Variants in LINGO2 observed in about 807,000 individuals in gnomAD.
LINGO2 encodes the protein leucine rich repeat and Ig domain containing 2.
A neutral mutation model predicts 30.6 loss-of-function variants in LINGO2; 14 were observed. The ratio of observed to expected loss-of-function variants is 0.46; its 90% CI spans 0.30 to 0.72. The LOEUF (loss-of-function observed/expected upper bound fraction) is 0.72. LINGO2 is among the 30% of genes least tolerant of loss of function. The pLI, the probability that LINGO2 is intolerant of heterozygous loss-of-function variation, is 0.07. For missense variants in LINGO2, 729 were observed against 751.7 expected, an observed-to-expected ratio of 0.97 and a Z score of 0.35; for synonymous variants, 317 against 288.5, an observed-to-expected ratio of 1.10 and a Z score of -1.00.
At chr9:28,012,125 C>G (rs1405303459) in intron 5 of LINGO2, among the ~76,000 whole-genome samples, 1 of 152,136 alleles carries the variant, frequency 6.6e-6, no homozygotes, top group Non-Finnish European at 1.5e-5. Flanking sequence ...GGAAACAAGT[C>G]TCCTCTTACC....
chr9:28,380,453 T>A (rs1821307840), intron 2 of LINGO2, among the ~76,000 whole-genome samples: 1 of 150,604 alleles, frequency 6.6e-6, no homozygotes, highest in Admixed American at 6.7e-5. Context: ...AAAAAGTCCA[T>A]GAAAAATTGG....
At chr9:28,310,551 T>G (rs1185115073) in intron 3 of LINGO2, among the ~76,000 whole-genome samples, 1 of 152,146 alleles carries the variant, frequency 6.6e-6, no homozygotes, top group Non-Finnish European at 1.5e-5. Flanking sequence ...ATCATAGCAG[T>G]TCTGCGCCTG....
At chr9:28,397,202 T>A (rs1201072049) in intron 2 of LINGO2, among the ~76,000 whole-genome samples, 1 of 151,992 alleles carries the variant, frequency 6.6e-6, no homozygotes, top group East Asian at 1.9e-4. Flanking sequence ...TACTAACTCC[T>A]ATGAAAGAGG....
At chr9:28,671,682 A>G (rs919479730), upstream of LINGO2, among the ~76,000 whole-genome samples, 1 of 152,040 alleles carries the variant, frequency 6.6e-6, no homozygotes, top group Non-Finnish European at 1.5e-5. Context: ...CGTATCACGT[A>G]CTATGCCTAT....
chr9:28,411,928 G>T (rs1399029005), intron 2 of LINGO2, among the ~76,000 whole-genome samples: 1 of 152,010 alleles, frequency 6.6e-6, no homozygotes, highest in Non-Finnish European at 1.5e-5. Context: ...GCCAAAACTT[G>T]TTATTTTTTT....
the LINGO2 span, among the ~76,000 whole-genome samples, chr9:28,714,437 G>A: frequency 6.6e-6 from 1 of 151,918 alleles, no homozygotes; most frequent in African/African-American, 2.4e-5. Context: ...TCTGTAATAT[G>A]CAGTGTTTTC....
At chr9:29,027,701 C>G in the LINGO2 span, among the ~76,000 whole-genome samples, 22 of 152,038 alleles carry the variant, frequency 1.4e-4, no homozygotes, top group African/African-American at 5.3e-4. Flanking sequence ...TTGATTGTTC[C>G]AAGGTTTCCG....
At chr9:28,725,780 T>C in the LINGO2 span, among the ~76,000 whole-genome samples, 1 of 149,356 alleles carries the variant, frequency 6.7e-6, no homozygotes, top group African/African-American at 2.4e-5. Flanking sequence ...CACATTAAAA[T>C]AAAGGAAACT....
At chr9:28,353,345 C>T (rs1175972139) in intron 3 of LINGO2, among the ~76,000 whole-genome samples, 2 of 150,170 alleles carry the variant, frequency 1.3e-5, no homozygotes, top group South Asian at 2.1e-4. Context: ...GGGCGAAGGA[C>T]ATGAACAGAC....
At chr9:29,086,559 G>A in the LINGO2 span, among the ~76,000 whole-genome samples, 16 of 152,102 alleles carry the variant, frequency 1.1e-4, no homozygotes, top group East Asian at 2.9e-3. Flanking sequence ...TTATGAAAAT[G>A]TTTCTACGTA....
At chr9:29,150,283 C>T in the LINGO2 span, among the ~76,000 whole-genome samples, 1 of 152,148 alleles carries the variant, frequency 6.6e-6, no homozygotes, top group South Asian at 2.1e-4. Context: ...GAATATATTC[C>T]ATTTATACCA....
chr9:28,788,829 G>C, the LINGO2 span, among the ~76,000 whole-genome samples: 2 of 152,128 alleles, frequency 1.3e-5, no homozygotes, highest in Non-Finnish European at 2.9e-5. Context: ...TGGGATTGTG[G>C]GGAGTATGGG....
chr9:28,618,571 C>T (rs932916490), intron 1 of LINGO2, among the ~76,000 whole-genome samples: 2 of 152,018 alleles, frequency 1.3e-5, no homozygotes, highest in African/African-American at 2.4e-5. Flanking sequence ...CATTTAAATC[C>T]CTCCACCAGG....
intron 4 of LINGO2, among the ~76,000 whole-genome samples, chr9:28,170,350 C>T (rs1232246835): frequency 6.6e-6 from 1 of 152,144 alleles, no homozygotes; most frequent in African/African-American, 2.4e-5. Flanking sequence ...ATAGAAACAG[C>T]TTCCACCGGC....
chr9:28,280,345 T>C (rs1214624065), intron 4 of LINGO2, among the ~76,000 whole-genome samples: 1 of 151,990 alleles, frequency 6.6e-6, no homozygotes, highest in African/African-American at 2.4e-5. Flanking sequence ...AATTTATTGC[T>C]TTAAAAATTA....
intron 2 of LINGO2, among the ~76,000 whole-genome samples, chr9:28,438,844 ATATAT>A (rs1424810947): frequency 7.5e-5 from 11 of 146,508 alleles, no homozygotes; most frequent in Non-Finnish European, 1.5e-4. Flanking sequence ...ATATATATAT[ATATAT>A]AATGAGATAT....
chr9:28,572,400 T>C (rs1391779499), intron 1 of LINGO2, among the ~76,000 whole-genome samples: 2 of 152,114 alleles, frequency 1.3e-5, no homozygotes, highest in African/African-American at 4.8e-5. Context: ...TGTACAAAGT[T>C]ACTCTTCCAT....
At chr9:28,922,100 C>T in the LINGO2 span, among the ~76,000 whole-genome samples, 4 of 152,154 alleles carry the variant, frequency 2.6e-5, no homozygotes, top group African/African-American at 9.7e-5. Context: ...TATACACTTC[C>T]TCCACATTTC....
At chr9:28,832,448 C>T in the LINGO2 span, among the ~76,000 whole-genome samples, 2 of 152,204 alleles carry the variant, frequency 1.3e-5, no homozygotes, top group Non-Finnish European at 1.5e-5. Flanking sequence ...AGTTCCGTAA[C>T]TCTGGAGCTG....
Sources: gnomAD v4.1 joint callset for allele counts (sites outside exome capture counted in the v4.1 genomes callset) on GRCh38, gnomAD v4.1.1 for gene constraint, MANE v1.5 for transcripts, NCBI Gene and HGNC (gene_info 2026-07-23, HGNC 2026-07-21) for gene names.